Variants in PLA2R1 observed in about 807,000 individuals in gnomAD.
PLA2R1 encodes secretory phospholipase A2 receptor.
PLA2R1 carries 158 observed loss-of-function variants against 195.9 expected under a neutral mutation model. The observed-to-expected ratio is 0.81, with a 90% CI of 0.71 to 0.92. The LOEUF is 0.92. Among genes scored for constraint, PLA2R1 ranks in the 40% least tolerant of loss-of-function variants. The pLI is 0.00. For synonymous variants in PLA2R1, 586 were observed against 598.2 expected (o/e 0.98, Z 0.30); for missense variants, 1,626 against 1,764.6 (o/e 0.92, Z 1.41).
rs1393038642 is a variant in PLA2R1, at chr2:159,961,313, C to T, written c.2905-4686G>A. Reference sequence around the variant, plus strand: ...CCTTTGTAATCAAATGCTCCTAATGCCTTGAAGAAAGAGTTGTGGAACTAT... The same window carrying T: ...CCTTTGTAATCAAATGCTCCTAATGTCTTGAAGAAAGAGTTGTGGAACTAT... On this transcript the variant is annotated intron_variant, in intron 20 of 29. Coordinates refer to ENST00000283243, the MANE Select transcript of PLA2R1 (RefSeq NM_007366.5). Among the ~76,000 whole-genome samples, 3 of 152,056 alleles carry T rather than the reference C, an allele frequency of 2.0e-5. 1 individual carries two copies. Among genetic ancestry groups the T allele is most frequent in the Non-Finnish European group, 4.4e-5 (3 of 68,024 alleles).
chr2:159,967,154 T>A (rs1191025088), intron 20 of PLA2R1, among the ~76,000 whole-genome samples: 1 of 152,066 alleles, frequency 6.6e-6, no homozygotes. Context: ...CACACAGGCA[T>A]GCAGGCACAT....
chr2:159,947,702 T>C, intron 25 of PLA2R1, 143 bp from the exon 26 acceptor site: 3 of 800,284 alleles, frequency 3.7e-6, no homozygotes, highest in East Asian at 5.4e-5. Flanking sequence ...TTGGGTTTCA[T>C]GTAAATGATT....
At chr2:159,927,340 T>C (rs1260545727), downstream of PLA2R1, among the ~76,000 whole-genome samples, 1 of 152,190 alleles carries the variant, frequency 6.6e-6, no homozygotes, top group Non-Finnish European at 1.5e-5. Context: ...GTTTCTATCT[T>C]TGATCAGGTT....
At chr2:160,034,387 A>G (rs1017862349) in intron 3 of PLA2R1, among the ~76,000 whole-genome samples, 1 of 152,210 alleles carries the variant, frequency 6.6e-6, no homozygotes, top group Non-Finnish European at 1.5e-5. Flanking sequence ...ACCAAGTAAC[A>G]CTGAAGGGAA....
chr2:159,942,513 T>C (rs1420842124), intron 28 of PLA2R1, among the ~76,000 whole-genome samples: 1 of 152,230 alleles, frequency 6.6e-6, no homozygotes, highest in African/African-American at 2.4e-5. Context: ...CCCAGCACTG[T>C]GCTGCAATAA....
At chr2:160,032,895 G>A (rs879084196) in intron 4 of PLA2R1, 64 bp downstream of exon 4, 2 of 1,155,940 alleles carry the variant, frequency 1.7e-6, no homozygotes, top group Non-Finnish European at 2.5e-6. Flanking sequence ...TTTTGTATAT[G>A]TGAAAACAGT....
intron 11 of PLA2R1, among the ~76,000 whole-genome samples, chr2:160,001,399 A>G (rs1691584876): frequency 1.3e-5 from 2 of 152,190 alleles, no homozygotes; most frequent in Non-Finnish European, 2.9e-5. Context: ...AAGAGAAAAC[A>G]TGACTAAAAA....
intron 10 of PLA2R1, among the ~76,000 whole-genome samples, chr2:160,010,578 A>C (rs923255823): frequency 5.9e-5 from 9 of 152,208 alleles, no homozygotes; most frequent in African/African-American, 1.9e-4. Flanking sequence ...GGTACTGAAG[A>C]GTGACAGGAG....
intron 10 of PLA2R1, among the ~76,000 whole-genome samples, chr2:160,012,740 C>T (rs1286554324): frequency 6.6e-6 from 1 of 151,808 alleles, no homozygotes; most frequent in Non-Finnish European, 1.5e-5. Context: ...GGTGAAACCC[C>T]GTCTCTACTA....
chr2:160,029,610 T>C (rs933071845), intron 4 of PLA2R1, among the ~76,000 whole-genome samples: 3 of 152,288 alleles, frequency 2.0e-5, no homozygotes, highest in Admixed American at 6.5e-5. Flanking sequence ...ATTTTTGTTA[T>C]AGATACTATG....
chr2:160,017,907 C>A (rs1692871364), intron 8 of PLA2R1, among the ~76,000 whole-genome samples: 1 of 152,154 alleles, frequency 6.6e-6, no homozygotes, highest in Non-Finnish European at 1.5e-5. Flanking sequence ...AGTCTTCCAG[C>A]AAACAATCCA....
At position 160,016,483 on chromosome 2, in the gene PLA2R1, G is replaced by A. The variant is rs543501203; in HGVS notation, c.1551+131C>T. Reference sequence around the variant, plus strand: ...AGGAAAGGAAAGAAGGGGGGGGTGCGAGGAGAGAGAGAGAGATGAAAGAGA... The same window carrying A: ...AGGAAAGGAAAGAAGGGGGGGGTGCAAGGAGAGAGAGAGAGATGAAAGAGA... On this transcript the variant is annotated intron_variant, in intron 9 of 29. Transcript: ENST00000283243. The A allele has an allele frequency of 6.8e-4, 431 of 634,296 alleles. 1 individual carries two copies. The highest frequency in any genetic ancestry group is 1.1e-3 in the Non-Finnish European group (395 of 355,368). The allele number at this position is 634,296 out of a possible 1,614,324, so 39.3% of individuals were successfully genotyped here. A position where few individuals can be genotyped will look rare whatever the true frequency, so the allele number is the denominator to read the frequency against.
chr2:160,010,663 A>C (rs1692297108), intron 10 of PLA2R1, among the ~76,000 whole-genome samples: 1 of 152,258 alleles, frequency 6.6e-6, no homozygotes, highest in Non-Finnish European at 1.5e-5. Context: ...GATCTGAGAC[A>C]CTTTCCATCT....
intron 8 of PLA2R1, among the ~76,000 whole-genome samples, chr2:160,019,120 G>A (rs547759238): frequency 6.6e-6 from 1 of 152,324 alleles, no homozygotes; most frequent in South Asian, 2.1e-4. Context: ...TTAGATAAAT[G>A]AGAGACTAGA....
In PLA2R1 at chr2:160,017,802, G is replaced by A. The variant is rs566100024; in HGVS notation, c.1453-1090C>T. On this transcript the variant is annotated intron_variant, in intron 8 of 29. Coordinates refer to ENST00000283243, the MANE Select transcript of PLA2R1 (RefSeq NM_007366.5). ...GTATTTCACACATCTAGAATTTTAG[G>A]GGAATGTGGAGCCCTTCCATGACCC... Among the ~76,000 whole-genome samples, 51 of 152,188 alleles carry A rather than the reference G, an allele frequency of 3.4e-4. 1 individual carries two copies. In the South Asian group the frequency reaches 0.01, roughly 30 times the overall value.
intron 19 of PLA2R1, 95 bp from the exon 20 acceptor site, chr2:159,967,773 T>C: frequency 9.9e-7 from 1 of 1,009,292 alleles, no homozygotes; most frequent in Non-Finnish European, 1.4e-6. Context: ...GCTATGGTTT[T>C]TCATAATTTA....
chr2:160,038,966 A>C (rs1275477361), intron 3 of PLA2R1, among the ~76,000 whole-genome samples: 1 of 152,080 alleles, frequency 6.6e-6, no homozygotes, highest in African/African-American at 2.4e-5. Flanking sequence ...TCCTGGGTTC[A>C]AGCGATTCTT....
intron 4 of PLA2R1, among the ~76,000 whole-genome samples, chr2:160,030,227 A>C (rs1357380215): frequency 6.6e-6 from 1 of 152,268 alleles, no homozygotes; most frequent in Non-Finnish European, 1.5e-5. Flanking sequence ...AAGGTGCTTT[A>C]TAATTTTGAG....
intron 6 of PLA2R1, among the ~76,000 whole-genome samples, chr2:160,027,920 G>T (rs10208140): frequency 0.15 from 22,708 of 152,058 alleles, 1,869 homozygotes; most frequent in East Asian, 0.23. Flanking sequence ...AATAGAAAAA[G>T]AAATGTATCT....
Sources: allele counts gnomAD v4.1 joint callset (sites outside exome capture counted in the v4.1 genomes callset), GRCh38; gene constraint gnomAD v4.1.1; transcripts MANE v1.5; gene names NCBI Gene and HGNC (gene_info 2026-07-23, HGNC 2026-07-21).